The following NCOA7 variants were observed in gnomAD, a reference collection of about 807,000 sequenced individuals.
The protein encoded by NCOA7 is 140 kDa estrogen receptor-associated protein.
A neutral mutation model predicts 104.3 loss-of-function variants in NCOA7; 45 were observed. The observed-to-expected ratio is 0.43, with a 90% confidence interval of 0.34 to 0.55. NCOA7 has a LOEUF of 0.55. Among genes scored for constraint, NCOA7 ranks in the 20% least tolerant of loss-of-function variants. The pLI is 0.02. For missense variants in NCOA7, 1,041 were observed against 1,119.7 expected (o/e 0.93, Z 1.00); for synonymous variants, 398 against 402.3 (o/e 0.99, Z 0.13).
intron 11 of NCOA7, among the ~76,000 whole-genome samples, chr6:125,918,671 A>G (rs1787289081): frequency 6.6e-6 from 1 of 152,200 alleles, no homozygotes; most frequent in African/African-American, 2.4e-5. Flanking sequence ...CAAAATGTAA[A>G]AAGATAAGTA....
chr6:125,879,839 A>C (rs2128645456), intron 5 of NCOA7, among the ~76,000 whole-genome samples: 1 of 152,270 alleles, frequency 6.6e-6, no homozygotes, highest in South Asian at 2.1e-4. Flanking sequence ...TCTACTAAAA[A>C]TACAAAAATT....
chr6:125,920,919 TC>T (rs766562843), intron 11 of NCOA7, 23 bp from the exon 12 acceptor site: 26 of 1,608,924 alleles, frequency 1.6e-5, no homozygotes, highest in Admixed American at 5.0e-5. Context: ...AAGTTATTTT[TC>T]TTGGCTTGTT....
chr6:125,837,663 CT>C (rs1459005411), intron 2 of NCOA7, among the ~76,000 whole-genome samples: 3 of 152,166 alleles, frequency 2.0e-5, no homozygotes, highest in Admixed American at 6.6e-5. Flanking sequence ...ACTTCTCCCC[CT>C]AATTCATTTC....
intron 12 of NCOA7, among the ~76,000 whole-genome samples, chr6:125,922,182 T>C (rs1787645472): frequency 1.3e-5 from 2 of 152,346 alleles, no homozygotes; most frequent in South Asian, 4.1e-4. Flanking sequence ...TAAATATTGA[T>C]GCAGGTAAAA....
intron 2 of NCOA7, among the ~76,000 whole-genome samples, chr6:125,837,943 A>G (rs1779767810): frequency 6.6e-6 from 1 of 152,206 alleles, no homozygotes; most frequent in Non-Finnish European, 1.5e-5. Context: ...CGGTGTTAAA[A>G]AGGGACTCCT....
chr6:125,858,529 T>C (rs1465798585), intron 3 of NCOA7, among the ~76,000 whole-genome samples: 1 of 151,630 alleles, frequency 6.6e-6, no homozygotes, highest in Admixed American at 6.6e-5. Context: ...CCCAGCTACT[T>C]GGGATGCTGA....
chr6:125,924,494 A>G (rs563853257), intron 13 of NCOA7, among the ~76,000 whole-genome samples: 1 of 152,348 alleles, frequency 6.6e-6, no homozygotes, highest in Admixed American at 6.5e-5. Context: ...ACATGATAGA[A>G]CAACACCTGC....
At chr6:125,856,981 T>C (rs1272996849) in intron 3 of NCOA7, among the ~76,000 whole-genome samples, 3 of 152,200 alleles carry the variant, frequency 2.0e-5, no homozygotes, top group Non-Finnish European at 2.9e-5. Context: ...GTTGCTACCG[T>C]ACAGGCAGAT....
intron 2 of NCOA7, among the ~76,000 whole-genome samples, chr6:125,830,546 C>G (rs1779076921): frequency 6.6e-6 from 1 of 151,888 alleles, no homozygotes; most frequent in East Asian, 1.9e-4. Context: ...TTTAAATTAC[C>G]AGGCATGGTG....
upstream of NCOA7, among the ~76,000 whole-genome samples, chr6:125,787,106 A>G (rs552231158): frequency 6.6e-5 from 10 of 151,178 alleles, no homozygotes; most frequent in East Asian, 5.9e-4. Context: ...TGGGTGACCT[A>G]ATGAGACCCT....
intron 11 of NCOA7, among the ~76,000 whole-genome samples, chr6:125,916,559 C>G (rs541343029): frequency 6.6e-6 from 1 of 152,250 alleles, no homozygotes; most frequent in South Asian, 2.1e-4. Context: ...ATAGGTCTAC[C>G]CCTCCTTCCT....
At chr6:125,871,438 A>G (rs1157087493) in intron 3 of NCOA7, among the ~76,000 whole-genome samples, 1 of 152,244 alleles carries the variant, frequency 6.6e-6, no homozygotes, top group Admixed American at 6.5e-5. Flanking sequence ...TGAGACACAT[A>G]GTTAACCATC....
At chr6:125,915,981 A>G (rs73588243) in intron 11 of NCOA7, among the ~76,000 whole-genome samples, 23,879 of 152,194 alleles carry the variant, frequency 0.16, 2,073 homozygotes, top group African/African-American at 0.25. Flanking sequence ...CTTAAGTGCC[A>G]TACAAAAACA....
At chr6:125,919,840 C>T (rs1360423949) in intron 11 of NCOA7, among the ~76,000 whole-genome samples, 1 of 152,168 alleles carries the variant, frequency 6.6e-6, no homozygotes, top group African/African-American at 2.4e-5. Flanking sequence ...TTGTATCTGT[C>T]ATTGTGCATT....
At chr6:125,828,507 CTT>C (rs1209124373) in intron 2 of NCOA7, among the ~76,000 whole-genome samples, 1 of 152,146 alleles carries the variant, frequency 6.6e-6, no homozygotes, top group Non-Finnish European at 1.5e-5. Flanking sequence ...ATATTCAGGC[CTT>C]GGCAGGAGGA....
At chr6:125,913,319 T>G (rs1418125918) in intron 10 of NCOA7, among the ~76,000 whole-genome samples, 1 of 152,240 alleles carries the variant, frequency 6.6e-6, no homozygotes, top group Non-Finnish European at 1.5e-5. Flanking sequence ...AGAATCCTTC[T>G]TCCTTAAGAG....
intron 2 of NCOA7, among the ~76,000 whole-genome samples, chr6:125,844,361 CATT>C (rs1190476050): frequency 3.3e-5 from 5 of 152,200 alleles, no homozygotes; most frequent in South Asian, 4.1e-4. Context: ...GGAAGAATCT[CATT>C]ATCACGATTA....
At chr6:125,802,890 A>G (rs1272425) in intron 1 of NCOA7, among the ~76,000 whole-genome samples, 8,419 of 152,218 alleles carry the variant, frequency 0.055, 759 homozygotes, top group African/African-American at 0.19. Flanking sequence ...GCACTTCTCC[A>G]TGCTGATTTA....
In NCOA7 at chr6:125,840,868, G is replaced by GTTTTTTTTTTTTTT. The variant is rs57168444; in HGVS notation, c.51-14123_51-14110dup. Among the ~76,000 whole-genome samples the GTTTTTTTTTTTTTT allele has an allele frequency of 4.7e-4, 19 of 40,374 alleles. 3 individuals are homozygous for GTTTTTTTTTTTTTT. Among genetic ancestry groups the GTTTTTTTTTTTTTT allele is most frequent in the South Asian group, 1.3e-3 (1 of 800 alleles). The allele number at this position is 40,374 out of a possible 152,430, so 26.5% of individuals were successfully genotyped here. A position where few individuals can be genotyped will look rare whatever the true frequency, so the allele number is the denominator to read the frequency against. ...TTTTATGGTTTTTTTTGTTTGGTTG[G>GTTTTTTTTTTTTTT]TTTTTTTTTTTTTTTTTTTTTTTTT... On this transcript the variant is annotated intron_variant, in intron 2 of 15. Coordinates refer to ENST00000392477, the MANE Select transcript of NCOA7 (RefSeq NM_181782.5).
Sources: allele counts gnomAD v4.1 joint callset (sites outside exome capture counted in the v4.1 genomes callset), GRCh38; gene constraint gnomAD v4.1.1; transcripts MANE v1.5; gene names NCBI Gene and HGNC (gene_info 2026-07-23, HGNC 2026-07-21).